The following ELAVL2 variants were observed in gnomAD, a reference collection of about 807,000 sequenced individuals.
ELAVL2 encodes ELAV-like protein 2.
Under a neutral mutation model 34.6 loss-of-function variants are expected in ELAVL2, and 4 were observed. The ratio of observed to expected loss-of-function variants is 0.12; its 90% CI spans 0.06 to 0.26. ELAVL2 has a LOEUF of 0.26. Among genes scored for constraint, ELAVL2 ranks in the 10% least tolerant of loss-of-function variants. The pLI is 1.00. For synonymous variants in ELAVL2, 193 were observed against 154.8 expected, an observed-to-expected ratio of 1.25 and a Z score of -1.83; for missense variants, 432 against 442.8, an observed-to-expected ratio of 0.98 and a Z score of 0.22.
chr9:23,754,755 G>A (rs1043407226), intron 2 of ELAVL2, among the ~76,000 whole-genome samples: 7 of 152,128 alleles, frequency 4.6e-5, no homozygotes, highest in East Asian at 1.9e-4. Flanking sequence ...GAATCACTGC[G>A]CCTGGCTGGC....
At chr9:23,798,949 G>T (rs1007584164) in intron 1 of ELAVL2, among the ~76,000 whole-genome samples, 1 of 152,076 alleles carries the variant, frequency 6.6e-6, no homozygotes, top group Non-Finnish European at 1.5e-5. Context: ...TTAACAATTA[G>T]GTTCTTAAAT....
At chr9:23,778,574 G>A (rs1436914499) in intron 1 of ELAVL2, among the ~76,000 whole-genome samples, 3 of 152,068 alleles carry the variant, frequency 2.0e-5, no homozygotes, top group African/African-American at 7.2e-5. Flanking sequence ...TTAATGTTCC[G>A]GCCCCTGCAA....
At chr9:23,759,053 T>A (rs35734498) in intron 2 of ELAVL2, among the ~76,000 whole-genome samples, 4,562 of 152,012 alleles carry the variant, frequency 0.03, 85 homozygotes, top group East Asian at 0.074. Context: ...TGATCCAGCA[T>A]CCCCACTACT....
chr9:23,819,698 C>T (rs77154264), intron 1 of ELAVL2, among the ~76,000 whole-genome samples: 5,105 of 152,266 alleles, frequency 0.034, 266 homozygotes, highest in Admixed American at 0.12. Context: ...ACCCAAATAA[C>T]AGGCAACAAG....
rs1013244799 is a variant in ELAVL2, at chr9:23,780,606, T to A, written c.-15-18357A>T. Among the ~76,000 whole-genome samples the A allele has an allele frequency of 5.3e-5, 8 of 152,316 alleles. 1 individual carries two copies. In the South Asian group the frequency reaches 1.5e-3, roughly 28 times the overall value. On this transcript the variant is annotated intron_variant, in intron 1 of 6. Coordinates refer to ENST00000397312, the MANE Select transcript of ELAVL2 (RefSeq NM_004432.5). ...TATACCAACATTCTTCTTATATTCT[T>A]CATTAATGGTCAAGGTTAAAGAAAT...
chr9:23,715,159 G>T (rs1455153577), intron 3 of ELAVL2, among the ~76,000 whole-genome samples: 2 of 152,254 alleles, frequency 1.3e-5, no homozygotes, highest in South Asian at 2.1e-4. Context: ...ATGGCCTTGT[G>T]CAGGAGGTTT....
At chr9:23,819,783 T>C (rs1468624580) in intron 1 of ELAVL2, among the ~76,000 whole-genome samples, 1 of 152,002 alleles carries the variant, frequency 6.6e-6, no homozygotes, top group Non-Finnish European at 1.5e-5. Context: ...TCACAGAAAA[T>C]TTAATGTAAC....
chr9:23,826,742 G>A (rs570384933), upstream of ELAVL2, among the ~76,000 whole-genome samples: 6 of 152,224 alleles, frequency 3.9e-5, no homozygotes, highest in African/African-American at 1.2e-4. Context: ...ATTTAACTCT[G>A]TCCGGTATGT....
At chr9:23,827,539 G>A (rs1390405015), upstream of ELAVL2, among the ~76,000 whole-genome samples, 1 of 151,396 alleles carries the variant, frequency 6.6e-6, no homozygotes, top group African/African-American at 2.4e-5. Flanking sequence ...ACCAGAATGT[G>A]TAAATGTAAT....
intron 1 of ELAVL2, among the ~76,000 whole-genome samples, chr9:23,783,853 T>C (rs1475507116): frequency 6.6e-6 from 1 of 151,924 alleles, no homozygotes; most frequent in African/African-American, 2.4e-5. Flanking sequence ...TCTGTTGTCA[T>C]AGGTTCAAAT....
At chr9:23,775,120 T>A (rs1446325578) in intron 1 of ELAVL2, among the ~76,000 whole-genome samples, 1 of 152,236 alleles carries the variant, frequency 6.6e-6, no homozygotes, top group Non-Finnish European at 1.5e-5. Flanking sequence ...GAAGTTCAGA[T>A]GATCTCCCTG....
intron 2 of ELAVL2, among the ~76,000 whole-genome samples, chr9:23,750,494 C>G (rs763270302): frequency 1.3e-5 from 2 of 152,058 alleles, no homozygotes; most frequent in Non-Finnish European, 2.9e-5. Context: ...GATATTAGAT[C>G]CCAAATCATT....
At chr9:23,783,918 G>T (rs1406790485) in intron 1 of ELAVL2, among the ~76,000 whole-genome samples, 1 of 149,986 alleles carries the variant, frequency 6.7e-6, no homozygotes, top group Non-Finnish European at 1.5e-5. Flanking sequence ...GCACAGGCCG[G>T]GCGCGGTGGC....
At chr9:23,759,754 T>TTTTATATATATA (rs1279843264) in intron 2 of ELAVL2, among the ~76,000 whole-genome samples, 19 of 81,350 alleles carry the variant, frequency 2.3e-4, no homozygotes, top group Non-Finnish European at 3.3e-4. Context: ...ATATATAGTA[T>TTTTATATATATA]TATATATATA....
intron 1 of ELAVL2, among the ~76,000 whole-genome samples, chr9:23,775,333 G>A (rs1320776114): frequency 6.6e-6 from 1 of 152,178 alleles, no homozygotes; most frequent in Non-Finnish European, 1.5e-5. Flanking sequence ...GGACACCACT[G>A]CACTCCAGCT....
intron 2 of ELAVL2, among the ~76,000 whole-genome samples, chr9:23,744,845 T>G (rs2050122191): frequency 6.6e-6 from 1 of 152,092 alleles, no homozygotes; most frequent in Non-Finnish European, 1.5e-5. Context: ...GTTCCTTCAT[T>G]TGCACTCTCT....
In ELAVL2 at chr9:23,691,571, T is replaced by C. The variant is rs1350198860; in HGVS notation, c.*986A>G. On this transcript the variant is annotated 3_prime_UTR_variant, in exon 7 of 7. Coordinates refer to ENST00000397312, the MANE Select transcript of ELAVL2 (RefSeq NM_004432.5). ...TTCTTGCCTGCTCTTATATATTCTT[T>C]TGTAAATTTTTTTTATTTGTTTCAA... 1.3e-5 allele frequency: 2 copies of C among 152,552 alleles called. No homozygotes were observed. Among genetic ancestry groups the C allele is most frequent in the South Asian group, 2.1e-4 (1 of 4,814 alleles). 9.4% of individuals were successfully genotyped at this position (152,552 alleles called of 1,614,324 possible). A position where few individuals can be genotyped will look rare whatever the true frequency, so the allele number is the denominator to read the frequency against.
At chr9:23,811,480 T>C (rs931568308) in intron 1 of ELAVL2, among the ~76,000 whole-genome samples, 9 of 152,168 alleles carry the variant, frequency 5.9e-5, no homozygotes, top group Non-Finnish European at 7.4e-5. Flanking sequence ...GCCTTAGCCA[T>C]GAAGATGACG....
chr9:23,850,333 A>G, the ELAVL2 span, among the ~76,000 whole-genome samples: 4 of 150,478 alleles, frequency 2.7e-5, no homozygotes. Flanking sequence ...TAAGTTCACT[A>G]GCCCTGCCAC....
Sources: gnomAD v4.1 joint callset for allele counts (sites outside exome capture counted in the v4.1 genomes callset) on GRCh38, gnomAD v4.1.1 for gene constraint, MANE v1.5 for transcripts, NCBI Gene and HGNC (gene_info 2026-07-23, HGNC 2026-07-21) for gene names.